OTOG: variants seen among roughly 807,000 people sequenced by gnomAD.
The protein encoded by OTOG is otogelin.
OTOG carries 296 observed loss-of-function variants against 313.8 expected under a neutral mutation model. That is an observed-to-expected ratio of 0.94 (90% CI 0.86 to 1.04). The LOEUF (loss-of-function observed/expected upper bound fraction) is 1.04, where lower values mean the gene tolerates loss of function less well. Ranked by LOEUF, OTOG falls within the 50% of genes least tolerant of loss-of-function variation. OTOG has a pLI of 0.00. For missense variants in OTOG, 3,948 were observed against 3,840.1 expected (o/e 1.03, Z -0.74); for synonymous variants, 1,533 against 1,554.9 (o/e 0.99, Z 0.33).
At chr11:17,553,623 C>T in intron 6 of OTOG, 104 bp downstream of exon 6, 1 of 1,095,754 alleles carries the variant, frequency 9.1e-7, no homozygotes, top group Non-Finnish European at 1.2e-6. Context: ...TGGCACCTTC[C>T]TCCTTGCATC....
chr11:17,612,537 G>A (rs1459721397), intron 37 of OTOG, 83 bp from the exon 38 acceptor site: 6 of 1,469,510 alleles, frequency 4.1e-6, no homozygotes, highest in Non-Finnish European at 5.4e-6. Flanking sequence ...CAGGAAAAGG[G>A]CCAGGAACCT....
At chr11:17,629,370 C>G in intron 40 of OTOG, 54 bp downstream of exon 40, 1 of 1,484,080 alleles carries the variant, frequency 6.7e-7, no homozygotes, top group Non-Finnish European at 9.0e-7. Context: ...CCACCTCTGC[C>G]CCCACACATA....
Position 17,635,136 on chromosome 11 carries a change from A to G in OTOG, c.7642A>G (p.Ile2548Val). 1 of 1,548,356 alleles carries G rather than the reference A, an allele frequency of 6.5e-7. No individual in the cohort carries two copies. The highest frequency in any genetic ancestry group is 8.7e-7 in the Non-Finnish European group (1 of 1,146,558). The stretch of plus-strand genomic sequence containing the variant: ...GGTCCCCAGCTGCCGACAGGACCAG[A>G]TCCTGATCACGGGCCGCCTGGGGGA... ...ELVPSCRQDQILITGRLGDSC... is the reference protein window; with the variant it reads ...ELVPSCRQDQVLITGRLGDSC... Residue 2548 changes from isoleucine to valine, a missense_variant, in exon 46 of 56, where the codon ATC becomes GTC. By Grantham distance (29) the Ile-to-Val change is conservative (BLOSUM62 3). Coordinates refer to ENST00000399397, the MANE Select transcript of OTOG (RefSeq NM_001292063.2).
At chr11:17,638,340 T>C in intron 47 of OTOG, 111 bp from the exon 48 acceptor site, 1 of 906,282 alleles carries the variant, frequency 1.1e-6, no homozygotes, top group African/African-American at 1.7e-5. Flanking sequence ...ACAGTGGGGG[T>C]CACTAAGGAG....
At chr11:17,589,823 C>G (rs969048247) in intron 24 of OTOG, among the ~76,000 whole-genome samples, 9 of 152,194 alleles carry the variant, frequency 5.9e-5, no homozygotes, top group Non-Finnish European at 1.2e-4. Context: ...ATTGCCATAT[C>G]CAGTTAGCCT....
chr11:17,556,640 T>C (rs980505041), intron 7 of OTOG, among the ~76,000 whole-genome samples: 1 of 152,202 alleles, frequency 6.6e-6, no homozygotes, highest in Non-Finnish European at 1.5e-5. Flanking sequence ...TAGACAGTAC[T>C]TTTGTTTCCC....
chr11:17,603,943 C>T (rs1853317601), intron 32 of OTOG, among the ~76,000 whole-genome samples: 1 of 152,132 alleles, frequency 6.6e-6, no homozygotes, highest in Non-Finnish European at 1.5e-5. Context: ...TGTAGGACTT[C>T]TCATGTGCCG....
In OTOG at chr11:17,612,788, C is replaced by A. The variant is rs1266939305; in HGVS notation, c.6438+23C>A. Reference sequence around the variant, plus strand: ...CTGGTGCCTGCCCCATACCTCCCTCCCTGCTGGGGACTAGGAATGGGACTA... The same window carrying A: ...CTGGTGCCTGCCCCATACCTCCCTCACTGCTGGGGACTAGGAATGGGACTA... On this transcript the variant is annotated intron_variant, in intron 38 of 55. Transcript: ENST00000399397. The A allele has an allele frequency of 1.3e-6, 2 of 1,547,620 alleles. 1 individual carries two copies. The highest frequency in any genetic ancestry group is 3.3e-4 in the Middle Eastern group (2 of 5,974).
chr11:17,555,207 A>ATGTG lies in OTOG; in HGVS notation c.541-547_541-544dup, dbSNP rs57148062. Among the ~76,000 whole-genome samples, 836 of 141,232 alleles carry ATGTG rather than the reference A, an allele frequency of 5.9e-3. 7 individuals are homozygous for ATGTG. Among genetic ancestry groups the ATGTG allele is most frequent in the African/African-American group, 0.016 (628 of 38,850 alleles). 92.7% of individuals were successfully genotyped at this position (141,232 alleles called of 152,430 possible). A position where few individuals can be genotyped will look rare whatever the true frequency, so the allele number is the denominator to read the frequency against. ...TTCTGTCTGAATGGCGGGGGCAGAG[A>ATGTG]TGTGTGTGTGTGTGTGTGTGTGTGT... On this transcript the variant is annotated intron_variant, in intron 6 of 55. Transcript: ENST00000399397.
intron 6 of OTOG, among the ~76,000 whole-genome samples, chr11:17,554,554 C>G (rs1321721711): frequency 6.6e-6 from 1 of 152,244 alleles, no homozygotes; most frequent in Non-Finnish European, 1.5e-5. Context: ...TTGGTCAGTA[C>G]TGAGTTAGGG....
chr11:17,642,178 C>A lies in OTOG; in HGVS notation c.8347C>A (p.Pro2783Thr), dbSNP rs1847990750. The A allele has an allele frequency of 1.3e-6, 2 of 1,550,292 alleles. No individual in the cohort carries two copies. The highest frequency in any genetic ancestry group is 2.4e-5 in the South Asian group (2 of 84,012). ...CGCCCGCCACCACTGCAGCAGCACGCCCCTGGGTGCCGTGCTGGTCCGCTC... is the reference window on the plus strand; with the variant it reads ...CGCCCGCCACCACTGCAGCAGCACGACCCTGGGTGCCGTGCTGGTCCGCTC... ...DCARHHCSSTPLGAVLVRSPI... is the reference protein window; with the variant it reads ...DCARHHCSSTTLGAVLVRSPI... Residue 2783 changes from proline (P) to threonine (T), a missense_variant, in exon 53 of 56, where the codon CCC becomes ACC. By Grantham distance (38) the Pro-to-Thr change is conservative (BLOSUM62 -1). Transcript: ENST00000399397.
intron 30 of OTOG, 85 bp downstream of exon 30, chr11:17,597,092 C>A: frequency 6.8e-7 from 1 of 1,467,100 alleles, no homozygotes; most frequent in Non-Finnish European, 9.1e-7. Context: ...GTCTGTCTAG[C>A]ATTTACTGAG....
At chr11:17,598,239 A>G (rs1396353108) in intron 30 of OTOG, among the ~76,000 whole-genome samples, 1 of 152,258 alleles carries the variant, frequency 6.6e-6, no homozygotes, top group Non-Finnish European at 1.5e-5. Context: ...TGCAGTAATC[A>G]AGAGAAATAA....
chr11:17,642,332 G>A (rs1245944835), intron 53 of OTOG, 86 bp downstream of exon 53: 2 of 1,437,830 alleles, frequency 1.4e-6, no homozygotes, highest in South Asian at 1.5e-5. Flanking sequence ...GTGTGCAGGA[G>A]TGCAGGAAGA....
intron 20 of OTOG, 97 bp from the exon 21 acceptor site, chr11:17,576,459 A>AT: frequency 1.1e-6 from 1 of 918,112 alleles, no homozygotes; most frequent in South Asian, 1.4e-5. Flanking sequence ...CTGTGTCCTT[A>AT]TGCACCTGGT....
chr11:17,585,665 C>T (rs1852776778), intron 23 of OTOG, among the ~76,000 whole-genome samples: 1 of 152,150 alleles, frequency 6.6e-6, no homozygotes, highest in African/African-American at 2.4e-5. Flanking sequence ...TTTCTGTCTG[C>T]TCCCCTCAGT....
chr11:17,549,055 C>G (rs1007216840), intron 3 of OTOG, among the ~76,000 whole-genome samples: 8 of 152,192 alleles, frequency 5.3e-5, no homozygotes, highest in African/African-American at 1.9e-4. Flanking sequence ...TGCCCATCTT[C>G]CCACGGTCCT....
intron 53 of OTOG, among the ~76,000 whole-genome samples, chr11:17,643,247 G>A (rs926834724): frequency 3.9e-5 from 6 of 152,234 alleles, no homozygotes; most frequent in African/African-American, 1.4e-4. Context: ...TCTTGACCCA[G>A]GCTCCTGCCG....
In OTOG at chr11:17,611,387, A is replaced by G; in HGVS notation, c.6087A>G (p.Ala2029=). 6.5e-7 allele frequency: 1 copy of G among 1,540,696 alleles called. No individual in the cohort carries two copies. Among genetic ancestry groups the G allele is most frequent in the Non-Finnish European group, 8.8e-7 (1 of 1,139,940 alleles). The change falls in exon 36 of 56, where the codon GCA becomes GCG. Residue 2029 remains alanine (A), a synonymous_variant. Coordinates refer to ENST00000399397, the MANE Select transcript of OTOG (RefSeq NM_001292063.2). Reference sequence around the variant, plus strand: ...TAGAGGGTTTGGCGGAGGCTTTGGCAACTACCACTGAGGCCAATACATCCA... The same window carrying G: ...TAGAGGGTTTGGCGGAGGCTTTGGCGACTACCACTGAGGCCAATACATCCA... ...SIVEGLAEAL[A]TTTEANTSTT... is the part of the protein sequence containing the mutation.
Sources: allele counts gnomAD v4.1 joint callset (sites outside exome capture counted in the v4.1 genomes callset), GRCh38; gene constraint gnomAD v4.1.1; transcripts MANE v1.5; gene names NCBI Gene and HGNC (gene_info 2026-07-23, HGNC 2026-07-21).